Variants in FURIN observed in about 807,000 individuals in gnomAD.
The protein encoded by FURIN is furin, paired basic amino acid cleaving enzyme, also known as FES upstream region.
In FURIN, 18 loss-of-function variants were observed where a neutral mutation model predicts 89.2. That is an observed-to-expected ratio of 0.20 (90% CI 0.14 to 0.30). The LOEUF is 0.30. Among genes scored for constraint, FURIN ranks in the 10% least tolerant of loss-of-function variants. The pLI, the probability that FURIN is intolerant of heterozygous loss-of-function variation, is 1.00. For missense variants in FURIN, 879 were observed against 1,100.5 expected, an observed-to-expected ratio of 0.80 and a Z score of 2.85; for synonymous variants, 508 against 466.4, an observed-to-expected ratio of 1.09 and a Z score of -1.15.
rs1020045636 is a variant in FURIN, at chr15:90,875,614, C to T, written c.-127C>T. On this transcript the variant is annotated 5_prime_UTR_variant, in exon 2 of 16. Transcript: ENST00000268171. Reference sequence around the variant, plus strand: ...ACTCTTCACCCTCCCGAGCCCTGCCCGTCTCGGCCCCATGCCCCCACCAGT... The same window carrying T: ...ACTCTTCACCCTCCCGAGCCCTGCCTGTCTCGGCCCCATGCCCCCACCAGT... The T allele has an allele frequency of 2.1e-5, 16 of 767,086 alleles. No individual in the cohort carries two copies. The highest frequency in any genetic ancestry group is 5.3e-5 in the African/African-American group (3 of 56,268). The allele number at this position is 767,086 out of a possible 1,614,324, so 47.5% of individuals were successfully genotyped here.
At chr15:90,873,969 G>A (rs2031464725) in intron 1 of FURIN, among the ~76,000 whole-genome samples, 1 of 152,218 alleles carries the variant, frequency 6.6e-6, no homozygotes, top group Non-Finnish European at 1.5e-5. Context: ...TTTCTGTGGT[G>A]AGCCTGCCTC....
In FURIN at chr15:90,881,239, C is replaced by T. The variant is rs1360315900; in HGVS notation, c.1793-47C>T. On this transcript the variant is annotated intron_variant, in intron 15 of 15. Transcript: ENST00000268171. The surrounding 1 kb of genome is among the most constrained non-coding windows in gnomAD (Gnocchi z 4.3). ...TGGGGCTGCTGTGGTCCTGGGGCTACAGTCTGTTTAGCTGACACACACTTG... is the reference window on the plus strand; with the variant it reads ...TGGGGCTGCTGTGGTCCTGGGGCTATAGTCTGTTTAGCTGACACACACTTG... 2.1e-6 allele frequency: 3 copies of T among 1,437,148 alleles called. No individual in the cohort carries two copies. Among genetic ancestry groups the T allele is most frequent in the African/African-American group, 2.8e-5 (2 of 71,226 alleles). The allele number at this position is 1,437,148 out of a possible 1,614,324, so 89.0% of individuals were successfully genotyped here.
chr15:90,871,188 G>T (rs1031771386), intron 1 of FURIN, among the ~76,000 whole-genome samples: 1 of 152,130 alleles, frequency 6.6e-6, no homozygotes. Flanking sequence ...TGGGGAAGCG[G>T]GGGACGGAGA....
chr15:90,871,292 C>A (rs1326594647), intron 1 of FURIN, among the ~76,000 whole-genome samples: 1 of 152,148 alleles, frequency 6.6e-6, no homozygotes, highest in East Asian at 1.9e-4. Flanking sequence ...CCGCGGCCGT[C>A]TTCCCGGGGA....
rs1458891041 is a variant in FURIN, at chr15:90,882,538, G to C, written c.*660G>C. 1.3e-5 allele frequency: 2 copies of C among 153,038 alleles called. No homozygotes were observed. Among genetic ancestry groups the C allele is most frequent in the Non-Finnish European group, 2.9e-5 (2 of 68,382 alleles). The allele number at this position is 153,038 out of a possible 1,614,324, so 9.5% of individuals were successfully genotyped here. On this transcript the variant is annotated 3_prime_UTR_variant, in exon 16 of 16. Coordinates refer to ENST00000268171, the MANE Select transcript of FURIN (RefSeq NM_002569.4). Reference sequence around the variant, plus strand: ...GAAGCTCTGGCTGAACCCTGTGCTGGTGTCCTGACCACCCTCCCCTCTCTT... The same window carrying C: ...GAAGCTCTGGCTGAACCCTGTGCTGCTGTCCTGACCACCCTCCCCTCTCTT...
chr15:90,875,850 G>A lies in FURIN; in HGVS notation c.110G>A (p.Arg37His), dbSNP rs749761700. Reference sequence around the variant, plus strand: ...GTCTTCACCAACACGTGGGCTGTGCGCATCCCTGGAGGCCCAGCGGTGGCC... The same window carrying A: ...GTCTTCACCAACACGTGGGCTGTGCACATCCCTGGAGGCCCAGCGGTGGCC... ...QKVFTNTWAV[R>H]IPGGPAVANS... is the part of the protein sequence containing the mutation. The change falls in exon 2 of 16, where the codon CGC becomes CAC. Residue 37 changes from arginine to histidine, a missense_variant. Physicochemically the swap from Arg to His is conservative, Grantham distance 29. This residue lies in a region of FURIN where 125 missense variants were observed against 125.0 expected (regional missense o/e 1.00). Transcript: ENST00000268171. The A allele has an allele frequency of 3.3e-5, 52 of 1,581,972 alleles. No homozygotes were observed. The Middle Eastern group carries it at 1.8e-3, about 56-fold the overall frequency.
At position 90,879,647 on chromosome 15, in the gene FURIN, A is replaced by G. The variant is rs574461971; in HGVS notation, c.1155-24A>G. 48 of 1,600,542 alleles carry G rather than the reference A, an allele frequency of 3.0e-5. No homozygotes were observed. The South Asian group carries it at 5.2e-4, about 17-fold the overall frequency. On this transcript the variant is annotated intron_variant, in intron 10 of 15. Coordinates refer to ENST00000268171, the MANE Select transcript of FURIN (RefSeq NM_002569.4). ...CTGCTCCCAAAAAAGACTGATCCCC[A>G]GCCTCTCCCTTCCTTCTTTGCAGTA...
chr15:90,874,349 A>G (rs550114227), intron 1 of FURIN, among the ~76,000 whole-genome samples: 3 of 152,346 alleles, frequency 2.0e-5, no homozygotes, highest in East Asian at 3.9e-4. Context: ...CGGATTACGC[A>G]AGGCTGGTGG....
At chr15:90,877,077 C>T (rs930537670) in intron 5 of FURIN, 53 bp downstream of exon 5, 3 of 1,611,400 alleles carry the variant, frequency 1.9e-6, no homozygotes, top group Non-Finnish European at 2.5e-6. Flanking sequence ...TGTCTAGAGG[C>T]TGTCTTGTTC....
At position 90,875,838 on chromosome 15, in the gene FURIN, C is replaced by T. The variant is rs1429656227; in HGVS notation, c.98C>T (p.Thr33Met). 2 of 1,576,922 alleles carry T rather than the reference C, an allele frequency of 1.3e-6. No homozygotes were observed. Among genetic ancestry groups the T allele is most frequent in the African/African-American group, 1.3e-5 (1 of 74,634 alleles). The change falls in exon 2 of 16, where the codon ACG becomes ATG. Residue 33 changes from threonine to methionine, a missense_variant. Coordinates refer to ENST00000268171, the MANE Select transcript of FURIN (RefSeq NM_002569.4). ...CAGGGCCAGAAGGTCTTCACCAACA[C>T]GTGGGCTGTGCGCATCCCTGGAGGC... is the stretch of plus-strand genomic sequence containing the variant. The part of the protein sequence containing the change: ...DAQGQKVFTN[T>M]WAVRIPGGPA...
chr15:90,875,587 G>T lies in FURIN; in HGVS notation c.-154G>T, dbSNP rs1299666257. The T allele has an allele frequency of 6.7e-6, 4 of 600,918 alleles. No individual in the cohort carries two copies. The highest frequency in any genetic ancestry group is 1.1e-5 in the Non-Finnish European group (4 of 350,898). 37.2% of individuals were successfully genotyped at this position (600,918 alleles called of 1,614,324 possible). On this transcript the variant is annotated 5_prime_UTR_variant, in exon 2 of 16. Coordinates refer to ENST00000268171, the MANE Select transcript of FURIN (RefSeq NM_002569.4). Reference sequence around the variant, plus strand: ...TCCCCTCTTGTTCCTCTCAGGGTCGGCACTCTTCACCCTCCCGAGCCCTGC... The same window carrying T: ...TCCCCTCTTGTTCCTCTCAGGGTCGTCACTCTTCACCCTCCCGAGCCCTGC...
At chr15:90,880,904 C>G in intron 14 of FURIN, 26 bp from the exon 15 acceptor site, 3 of 1,611,846 alleles carry the variant, frequency 1.9e-6, no homozygotes, top group East Asian at 4.5e-5. Context: ...TGTCTTAACT[C>G]TTGCCTCCTC....
chr15:90,881,813 G>A lies in FURIN; in HGVS notation c.2320G>A (p.Asp774Asn). ...AGCCTGGCAGGAGGAGTGCCCGTCT[G>A]ACTCAGAAGAGGACGAGGGCCGGGG... The part of the protein sequence containing the change: ...PEAWQEECPS[D>N]SEEDEGRGER... Residue 774 changes from aspartate to asparagine, a missense_variant, in exon 16 of 16, where the codon GAC (aspartate) becomes AAC (asparagine). By Grantham distance (23) the Asp-to-Asn change is conservative. Coordinates refer to ENST00000268171, the MANE Select transcript of FURIN (RefSeq NM_002569.4). The surrounding 1 kb of genome is among the most constrained non-coding windows in gnomAD (Gnocchi z 4.3). 1 of 1,613,602 alleles carries A rather than the reference G, an allele frequency of 6.2e-7. No homozygotes were observed. Among genetic ancestry groups the A allele is most frequent in the Non-Finnish European group, 8.5e-7 (1 of 1,179,984 alleles).
Position 90,881,131 on chromosome 15 carries a change from C to T in FURIN, c.1792+91C>T, listed in dbSNP as rs1313696731. 8.6e-7 allele frequency: 1 copy of T among 1,157,060 alleles called. No homozygotes were observed. Among genetic ancestry groups the T allele is most frequent in the Non-Finnish European group, 1.3e-6 (1 of 778,386 alleles). 71.7% of individuals were successfully genotyped at this position (1,157,060 alleles called of 1,614,324 possible). On this transcript the variant is annotated intron_variant, in intron 15 of 15. Transcript: ENST00000268171. This position sits in a 1 kb window ranked among gnomAD's most constrained non-coding sequence, Gnocchi z 4.3. ...AAGCCCAGCTCTAACAGAAAAAAGT[C>T]TCAAGAGACCTAGGGCCCCTGGGGC...
rs750852695 is a variant in FURIN, at chr15:90,880,900, A to G, written c.1682-30A>G. On this transcript the variant is annotated intron_variant, in intron 14 of 15. Transcript: ENST00000268171. ...CTGGGTGTGGTGCCAGCACTGTCTT[A>G]ACTCTTGCCTCCTCCCCGCTCTGGA... is the stretch of plus-strand genomic sequence containing the variant. 1.9e-6 allele frequency: 3 copies of G among 1,611,614 alleles called. No individual in the cohort carries two copies. The South Asian group carries it at 3.3e-5, about 18-fold the overall frequency.
Position 90,875,802 on chromosome 15 carries a change from C to T in FURIN, c.62C>T (p.Ala21Val). ...VAATGTLVLL[A>V]ADAQGQKVFT... ...GCAACAGGAACCTTGGTCCTGCTAG[C>T]AGCTGATGCTCAGGGCCAGAAGGTC... Residue 21 changes from alanine (A) to valine (V), a missense_variant, in exon 2 of 16, where the codon GCA becomes GTA. Around this residue, in one of 5 missense-constraint regions of FURIN, gnomAD observed 125 missense variants for 125.0 expected, o/e 1.00. Transcript: ENST00000268171. 1.3e-6 allele frequency: 2 copies of T among 1,561,294 alleles called. No homozygotes were observed. The highest frequency in any genetic ancestry group is 1.7e-6 in the Non-Finnish European group (2 of 1,151,824).
chr15:90,877,260 C>G (rs761890385), intron 6 of FURIN, 49 bp downstream of exon 6: 1 of 1,432,818 alleles, frequency 7.0e-7, no homozygotes, highest in African/African-American at 1.4e-5. Flanking sequence ...CTTTCTTCCA[C>G]TAAGGAACAG....
At position 90,881,109 on chromosome 15, in the gene FURIN, C is replaced by A; in HGVS notation, c.1792+69C>A. The A allele has an allele frequency of 7.8e-7, 1 of 1,274,286 alleles. No individual in the cohort carries two copies. The highest frequency in any genetic ancestry group is 1.1e-6 in the Non-Finnish European group (1 of 874,126). The allele number at this position is 1,274,286 out of a possible 1,614,324, so 78.9% of individuals were successfully genotyped here. A position where few individuals can be genotyped will look rare whatever the true frequency, so the allele number is the denominator to read the frequency against. On this transcript the variant is annotated intron_variant, in intron 15 of 15. Transcript: ENST00000268171. The surrounding 1 kb of genome is among the most constrained non-coding windows in gnomAD (Gnocchi z 4.3). ...GGTAAGGCGGGTGCCTGTCCTGAAG[C>A]CCAGCTCTAACAGAAAAAAGTCTCA...
At position 90,879,998 on chromosome 15, in the gene FURIN, C is replaced by T. The variant is rs200562035; in HGVS notation, c.1376+14C>T. ...CACCGAGCCCAAGTGAGGGCTGGAC[C>T]CAGGCTGGGAGGGGGCCAGTGGGAC... On this transcript the variant is annotated intron_variant, in intron 12 of 15. Transcript: ENST00000268171. 4 of 1,610,164 alleles carry T rather than the reference C, an allele frequency of 2.5e-6. No homozygotes were observed. Among genetic ancestry groups the T allele is most frequent in the East Asian group, 4.5e-5 (2 of 44,840 alleles).
Sources: allele counts gnomAD v4.1 joint callset (sites outside exome capture counted in the v4.1 genomes callset), GRCh38; gene constraint gnomAD v4.1.1; regional missense constraint gnomAD v4.1.1; non-coding constraint Gnocchi (gnomAD v3.1); transcripts MANE v1.5; gene names NCBI Gene and HGNC (gene_info 2026-07-23, HGNC 2026-07-21).